The following SYNE2 variants were observed in gnomAD, a reference collection of about 807,000 sequenced individuals.
SYNE2 encodes nesprin-2.
In SYNE2, 431 loss-of-function variants were observed where a neutral mutation model predicts 856.3. The ratio of observed to expected loss-of-function variants is 0.50; its 90% CI spans 0.47 to 0.55. The LOEUF (loss-of-function observed/expected upper bound fraction) is 0.55. Among genes scored for constraint, SYNE2 ranks in the 20% least tolerant of loss-of-function variants. The pLI is 0.00. For missense variants in SYNE2, 8,129 were observed against 8,023.2 expected, an observed-to-expected ratio of 1.01 and a Z score of -0.50; for synonymous variants, 2,923 against 2,872.3, an observed-to-expected ratio of 1.02 and a Z score of -0.56.
chr14:63,993,252 G>T (rs1220905029), intron 21 of SYNE2, among the ~76,000 whole-genome samples: 1 of 152,194 alleles, frequency 6.6e-6, no homozygotes, highest in Non-Finnish European at 1.5e-5. Context: ...CAGGCATGTG[G>T]CTCACACCTA....
intron 1 of SYNE2, among the ~76,000 whole-genome samples, chr14:63,856,349 C>G (rs931013080): frequency 3.9e-5 from 6 of 152,194 alleles, no homozygotes; most frequent in Non-Finnish European, 5.9e-5. Context: ...AATACAAAGC[C>G]AGGCTCGCAG....
At chr14:63,916,433 C>A (rs953931949) in intron 2 of SYNE2, among the ~76,000 whole-genome samples, 8 of 152,258 alleles carry the variant, frequency 5.3e-5, no homozygotes, top group African/African-American at 1.9e-4. Flanking sequence ...AATAATCTTT[C>A]GGAGTTCCTC....
intron 45 of SYNE2, among the ~76,000 whole-genome samples, chr14:64,033,152 C>A (rs8010721): frequency 0.79 from 120,444 of 151,678 alleles, 48,784 homozygotes; most frequent in Non-Finnish European, 0.88. Flanking sequence ...TGGGCAATAG[C>A]ACAACACCTT....
intron 1 of SYNE2, among the ~76,000 whole-genome samples, chr14:63,885,610 T>C (rs1351101520): frequency 1.3e-5 from 2 of 152,160 alleles, no homozygotes; most frequent in Non-Finnish European, 2.9e-5. Context: ...AATTTCGATA[T>C]ATTTTTTTTG....
At chr14:63,921,210 A>G (rs1159416548) in intron 2 of SYNE2, among the ~76,000 whole-genome samples, 1 of 152,172 alleles carries the variant, frequency 6.6e-6, no homozygotes. Flanking sequence ...CAGGAGAACA[A>G]CTTTGGTTGG....
At chr14:63,897,810 G>A (rs1443385425) in intron 1 of SYNE2, among the ~76,000 whole-genome samples, 1 of 152,158 alleles carries the variant, frequency 6.6e-6, no homozygotes, top group Non-Finnish European at 1.5e-5. Flanking sequence ...CTGCTCCCAG[G>A]AGATGACCTC....
intron 1 of SYNE2, among the ~76,000 whole-genome samples, chr14:63,841,814 C>G (rs1014828618): frequency 1.4e-5 from 2 of 140,694 alleles, no homozygotes; most frequent in African/African-American, 5.1e-5. Flanking sequence ...GCCCATTTTT[C>G]TTTTTCTTTC....
At chr14:63,887,818 T>C (rs2140867860) in intron 1 of SYNE2, among the ~76,000 whole-genome samples, 1 of 144,246 alleles carries the variant, frequency 6.9e-6, no homozygotes, top group South Asian at 2.3e-4. Context: ...ATTGGTGCCA[T>C]CTTGGCTCAC....
chr14:64,222,640 C>T (rs376018200), intron 112 of SYNE2, among the ~76,000 whole-genome samples: 12 of 152,284 alleles, frequency 7.9e-5, no homozygotes, highest in African/African-American at 1.4e-4. Flanking sequence ...GCACGAGAAT[C>T]GCTTGAACCC....
At chr14:63,966,097 G>A (rs975368365) in intron 10 of SYNE2, among the ~76,000 whole-genome samples, 5 of 152,114 alleles carry the variant, frequency 3.3e-5, no homozygotes, top group African/African-American at 1.2e-4. Context: ...CATTAATGCT[G>A]ATCCTTGGAG....
rs10148737 is a variant in SYNE2, at chr14:64,199,730, A to T, written c.18039-3071A>T. Among the ~76,000 whole-genome samples, 1,355 of 151,662 alleles carry T rather than the reference A, an allele frequency of 8.9e-3. 21 individuals carry two copies. The highest frequency in any genetic ancestry group is 0.031 in the African/African-American group (1,282 of 41,188). The stretch of plus-strand genomic sequence containing the variant: ...CTCTGTCTCAAAAAAAAAAAAAAAA[A>T]AAAAAAGTACATGAGTTGCTAACAT... On this transcript the variant is annotated intron_variant, in intron 99 of 115. Transcript: ENST00000555002.
rs753685924 is a variant in SYNE2 at position 64,224,497 on chromosome 14, G to A, written c.20419G>A (p.Asp6807Asn). ...ASPLPSFDEV[D>N]SGDQPPATSV... ...ACCCCTGCCCAGCTTCGACGAGGTA[G>A]ACTCGGGGGACCAGCCTCCTGCAAC... Residue 6807 changes from aspartate (D) to asparagine (N), a missense_variant, in exon 114 of 116, where the codon GAC becomes AAC. Coordinates refer to ENST00000555002, the MANE Select transcript of SYNE2 (RefSeq NM_182914.3). 3 of 1,614,130 alleles carry A rather than the reference G, an allele frequency of 1.9e-6. No homozygotes were observed. The highest frequency in any genetic ancestry group is 3.3e-5 in the Admixed American group (2 of 60,022).
chr14:64,209,624 C>T, intron 102 of SYNE2, 46 bp downstream of exon 102: 1 of 1,610,688 alleles, frequency 6.2e-7, no homozygotes, highest in Non-Finnish European at 8.5e-7. Flanking sequence ...ACCAAGCCTG[C>T]AGCGAGCCTG....
chr14:63,954,886 T>A lies in SYNE2; in HGVS notation c.758T>A (p.Leu253Ter). The A allele has an allele frequency of 6.2e-7, 1 of 1,613,584 alleles. No individual in the cohort carries two copies. The highest frequency in any genetic ancestry group is 8.5e-7 in the Non-Finnish European group (1 of 1,179,852). The part of the protein sequence containing the change: ...REAFRIAEQE[L>*]KIPRLLEPED... ...GCCTTCAGAATTGCAGAACAAGAAT[T>A]AAAAATCCCCAGATTGCTGGAACCA... is the stretch of plus-strand genomic sequence containing the variant. Residue 253 changes from leucine (L) to a stop codon, truncating the protein, a stop_gained, in exon 8 of 116, where the codon TTA (leucine) becomes TAA (stop). Transcript: ENST00000555002. LOFTEE classifies it high-confidence loss of function.
chr14:63,775,758 T>C (rs1887086456), intron 1 of SYNE2, among the ~76,000 whole-genome samples: 1 of 151,626 alleles, frequency 6.6e-6, no homozygotes, highest in Non-Finnish European at 1.5e-5. Flanking sequence ...ATTTTGTTTG[T>C]TTGTTTGTTT....
chr14:64,037,133 CTTT>C (rs757996897), intron 45 of SYNE2, among the ~76,000 whole-genome samples: 2 of 138,196 alleles, frequency 1.4e-5, no homozygotes, highest in Non-Finnish European at 3.2e-5. Flanking sequence ...ACTGTCTCCT[CTTT>C]TTTTTTTTTT....
intron 79 of SYNE2, 22 bp downstream of exon 79, chr14:64,138,005 T>A: frequency 1.2e-6 from 2 of 1,606,398 alleles, no homozygotes; most frequent in Non-Finnish European, 1.7e-6. Context: ...TGGGGGTGGA[T>A]TGGCTTCATA....
In SYNE2 at chr14:64,186,522, G is replaced by C. The variant is rs772228094; in HGVS notation, c.17655G>C (p.Met5885Ile). The change falls in exon 97 of 116, where the codon ATG (methionine) becomes ATC (isoleucine). Residue 5885 changes from methionine to isoleucine, a missense_variant. By Grantham distance (10) the Met-to-Ile change is conservative. Around this residue, in one of 3 missense-constraint regions of SYNE2, gnomAD observed 5,410 missense variants for 5,284.8 expected, o/e 1.02. Coordinates refer to ENST00000555002, the MANE Select transcript of SYNE2 (RefSeq NM_182914.3). ...GGCACGTTCTCGTGGAAGATGTGATGGTTTTGAAGGAGCAAATAGAGCATT... is the reference window on the plus strand; with the variant it reads ...GGCACGTTCTCGTGGAAGATGTGATCGTTTTGAAGGAGCAAATAGAGCATT... The part of the protein sequence containing the change: ...LTRHVLVEDV[M>I]VLKEQIEHLH... The C allele has an allele frequency of 3.7e-6, 6 of 1,614,212 alleles. No homozygotes were observed. Among genetic ancestry groups the C allele is most frequent in the Non-Finnish European group, 5.1e-6 (6 of 1,180,032 alleles).
Position 63,983,836 on chromosome 14 carries a change from T to G in SYNE2, c.2101T>G (p.Ser701Ala). The change falls in exon 18 of 116, where the codon TCA (serine) becomes GCA (alanine). Residue 701 changes from serine to alanine, a missense_variant. By Grantham distance (99) the Ser-to-Ala change is moderately conservative. This residue lies in a region of SYNE2 where 2,422 missense variants were observed against 2,357.4 expected (regional missense o/e 1.03). Transcript: ENST00000555002. ...SKEEKATVEF[S>A]TDMSVELPEN... ...AGAAGAGAAAGCAACTGTTGAGTTT[T>G]CAACAGATATGTCAGTAGAACTTCC... 1 of 1,601,066 alleles carries G rather than the reference T, an allele frequency of 6.2e-7. No individual in the cohort carries two copies. Among genetic ancestry groups the G allele is most frequent in the Non-Finnish European group, 8.6e-7 (1 of 1,169,080 alleles).
Sources: gnomAD v4.1 joint callset for allele counts (sites outside exome capture counted in the v4.1 genomes callset) on GRCh38, gnomAD v4.1.1 for gene constraint, gnomAD v4.1.1 regional missense constraint, MANE v1.5 for transcripts, NCBI Gene and HGNC (gene_info 2026-07-23, HGNC 2026-07-21) for gene names.